Variants in PCLO observed in about 807,000 individuals in gnomAD.
The protein encoded by PCLO is protein piccolo.
Under a neutral mutation model 427.5 loss-of-function variants are expected in PCLO, and 82 were observed. The ratio of observed to expected loss-of-function variants is 0.19; its 90% CI spans 0.16 to 0.23. The LOEUF is 0.23. PCLO is among the 10% of genes least tolerant of loss of function. The pLI is 1.00. For missense variants in PCLO, 6,239 were observed against 6,115.9 expected (o/e 1.02, Z -0.67); for synonymous variants, 2,357 against 2,155.4 (o/e 1.09, Z -2.59).
Position 83,155,699 on chromosome 7 carries a change from AG to A in PCLO, c.941del (p.Pro314LeufsTer25). On this transcript the variant is annotated frameshift_variant, in exon 2 of 25. Transcript: ENST00000333891. LOFTEE classifies it high-confidence loss of function. ...TTTCATGTCCAGGCTGCTGTGCTGG[AG>A]GTTTTCCAGGAGTTGGTTGCTGAAT... Reference protein sequence around the residue: ...PPIQQPTPGKPPAQQPGHEKS... With the variant: ...PPIQQPTPGKXPAQQPGHEKS... 1 of 1,613,770 alleles carries A rather than the reference AG, an allele frequency of 6.2e-7. No homozygotes were observed. Among genetic ancestry groups the A allele is most frequent in the Non-Finnish European group, 8.5e-7 (1 of 1,179,872 alleles).
At chr7:83,143,706 C>T (rs1791923374) in intron 2 of PCLO, among the ~76,000 whole-genome samples, 1 of 146,888 alleles carries the variant, frequency 6.8e-6, no homozygotes, top group Admixed American at 6.8e-5. Flanking sequence ...AATTACAGTA[C>T]ACGGACATGA....
At chr7:82,931,846 C>T (rs1163551187) in intron 6 of PCLO, among the ~76,000 whole-genome samples, 1 of 152,000 alleles carries the variant, frequency 6.6e-6, no homozygotes, top group Non-Finnish European at 1.5e-5. Flanking sequence ...AGAGAGGGGA[C>T]TCCACAAGGG....
intron 22 of PCLO, among the ~76,000 whole-genome samples, chr7:82,788,218 T>C (rs1406669334): frequency 6.8e-6 from 1 of 147,606 alleles, no homozygotes; most frequent in East Asian, 1.9e-4. Flanking sequence ...ATATAATTAA[T>C]AATTATATAT....
chr7:82,822,304 T>A lies in PCLO; in HGVS notation c.14791+191A>T, dbSNP rs11549157. On this transcript the variant is annotated intron_variant, in intron 20 of 24. Coordinates refer to ENST00000333891, the MANE Select transcript of PCLO (RefSeq NM_033026.6). ...ACAGCCAGTTTTATTTCAGTCTATG[T>A]AAATAAAAAAAATCTAAATAAGAAA... 46,512 of 1,429,006 alleles carry A rather than the reference T, an allele frequency of 0.033. 870 individuals carry two copies. Among genetic ancestry groups the A allele is most frequent in the Non-Finnish European group, 0.037 (41,004 of 1,094,620 alleles). 88.5% of individuals were successfully genotyped at this position (1,429,006 alleles called of 1,614,324 possible).
At chr7:83,013,395 A>T (rs41595) in intron 3 of PCLO, among the ~76,000 whole-genome samples, 38,152 of 152,112 alleles carry the variant, frequency 0.25, 5,745 homozygotes, top group Middle Eastern at 0.45. Context: ...TTTAACCTCT[A>T]TATATCTGAG....
chr7:82,833,794 G>A (rs1478794264), intron 16 of PCLO, among the ~76,000 whole-genome samples: 1 of 152,008 alleles, frequency 6.6e-6, no homozygotes, highest in Admixed American at 6.6e-5. Flanking sequence ...AGCTTATTAT[G>A]TTCCAGACAT....
chr7:83,097,463 A>C (rs758657111), intron 3 of PCLO, among the ~76,000 whole-genome samples: 45 of 146,662 alleles, frequency 3.1e-4, no homozygotes, highest in Non-Finnish European at 5.7e-4. Flanking sequence ...CGGAGCTTGC[A>C]GTGAGCCGAG....
At chr7:83,051,301 A>G (rs1252910995) in intron 3 of PCLO, among the ~76,000 whole-genome samples, 4 of 152,086 alleles carry the variant, frequency 2.6e-5, no homozygotes, top group Non-Finnish European at 5.9e-5. Context: ...TTCTATACAT[A>G]AGATCCCAAA....
At chr7:83,031,261 C>T (rs1210110966) in intron 3 of PCLO, among the ~76,000 whole-genome samples, 1 of 152,144 alleles carries the variant, frequency 6.6e-6, no homozygotes, top group East Asian at 1.9e-4. Context: ...ATGCATGTTC[C>T]AAACATCCTC....
chr7:82,860,733 CA>C (rs964526645), intron 10 of PCLO, among the ~76,000 whole-genome samples: 1 of 151,786 alleles, frequency 6.6e-6, no homozygotes, highest in Admixed American at 6.6e-5. Context: ...ATGAACCAAT[CA>C]AAAATAATAA....
chr7:83,117,093 G>C (rs1470614423), intron 3 of PCLO, among the ~76,000 whole-genome samples: 1 of 152,200 alleles, frequency 6.6e-6, no homozygotes, highest in African/African-American at 2.4e-5. Context: ...ATTTTTAAAA[G>C]GAGTTACTGA....
intron 20 of PCLO, among the ~76,000 whole-genome samples, chr7:82,809,198 T>C (rs1791517184): frequency 6.6e-6 from 1 of 151,840 alleles, no homozygotes; most frequent in African/African-American, 2.4e-5. Context: ...TCTAATAATT[T>C]CCACCACATT....
intron 3 of PCLO, among the ~76,000 whole-genome samples, chr7:83,064,539 A>G (rs1173191563): frequency 1.3e-5 from 2 of 152,060 alleles, no homozygotes; most frequent in Non-Finnish European, 2.9e-5. Flanking sequence ...TGGTGTTCAT[A>G]AAACACTAGC....
At chr7:82,760,127 TTAAG>T (rs1790400504) in intron 24 of PCLO, among the ~76,000 whole-genome samples, 2 of 151,954 alleles carry the variant, frequency 1.3e-5, no homozygotes, top group South Asian at 2.1e-4. Context: ...ACTTGGAGTA[TTAAG>T]TGAGTGGAAA....
Position 83,038,049 on chromosome 7 carries a change from ATCTT to A in PCLO, c.3301-71566_3301-71563del, listed in dbSNP as rs1379309543. ...TATATATTTATATATTTATATATAT[ATCTT>A]TATATATATATTTATATATTTATAT... On this transcript the variant is annotated intron_variant, in intron 3 of 24. Coordinates refer to ENST00000333891, the MANE Select transcript of PCLO (RefSeq NM_033026.6). Among the ~76,000 whole-genome samples the A allele has an allele frequency of 1.8e-3, 71 of 39,956 alleles. 2 individuals carry two copies. The highest frequency in any genetic ancestry group is 7.5e-3 in the African/African-American group (38 of 5,078). 26.2% of individuals were successfully genotyped at this position (39,956 alleles called of 152,430 possible).
In PCLO at chr7:82,915,398, A is replaced by C; in HGVS notation, c.12588T>G (p.Ile4196Met). The C allele has an allele frequency of 6.2e-7, 1 of 1,613,598 alleles. No homozygotes were observed. Among genetic ancestry groups the C allele is most frequent in the South Asian group, 1.1e-5 (1 of 91,082 alleles). Reference protein sequence around the residue: ...QKQSKHKKSLIDPKMSKFSPI... With the variant: ...QKQSKHKKSLMDPKMSKFSPI... Reference sequence around the variant, plus strand: ...GTGAAAATTTTGACATTTTAGGGTCAATTAGTGATTTCTTATGCTTTGACT... The same window carrying C: ...GTGAAAATTTTGACATTTTAGGGTCCATTAGTGATTTCTTATGCTTTGACT... Residue 4196 changes from isoleucine (I) to methionine (M), a missense_variant, in exon 7 of 25, where the codon ATT becomes ATG. This residue lies in a region of PCLO where 680 missense variants were observed against 677.3 expected (regional missense o/e 1.00). Transcript: ENST00000333891.
chr7:82,850,257 C>T (rs776390657), intron 10 of PCLO, among the ~76,000 whole-genome samples: 2 of 152,104 alleles, frequency 1.3e-5, no homozygotes, highest in Non-Finnish European at 2.9e-5. Flanking sequence ...GATCCACTGA[C>T]CTCAGCCTCC....
intron 6 of PCLO, among the ~76,000 whole-genome samples, chr7:82,941,304 T>G (rs2116383394): frequency 6.6e-6 from 1 of 152,268 alleles, no homozygotes; most frequent in Non-Finnish European, 1.5e-5. Flanking sequence ...TGTACCCACA[T>G]TTTTAAAAAA....
In PCLO at chr7:83,132,335, C is replaced by T. The variant is rs190738435; in HGVS notation, c.3300+1915G>A. Among the ~76,000 whole-genome samples the T allele has an allele frequency of 1.4e-3, 215 of 152,230 alleles. 2 individuals are homozygous for T. The highest frequency in any genetic ancestry group is 2.8e-3 in the Non-Finnish European group (187 of 67,998). Reference sequence around the variant, plus strand: ...AATGATTATCTAATACGATCACTCACATTTGAAGTATGACCTCATCTAACC... The same window carrying T: ...AATGATTATCTAATACGATCACTCATATTTGAAGTATGACCTCATCTAACC... On this transcript the variant is annotated intron_variant, in intron 3 of 24. Coordinates refer to ENST00000333891, the MANE Select transcript of PCLO (RefSeq NM_033026.6).
Sources: gnomAD v4.1 joint callset for allele counts (sites outside exome capture counted in the v4.1 genomes callset) on GRCh38, gnomAD v4.1.1 for gene constraint, gnomAD v4.1.1 regional missense constraint, MANE v1.5 for transcripts, NCBI Gene and HGNC (gene_info 2026-07-23, HGNC 2026-07-21) for gene names.